Variants in GALNT5 observed in about 807,000 individuals in gnomAD.
GALNT5 encodes polypeptide N-acetylgalactosaminyltransferase 5, also known as UDP-GalNAc:polypeptide N-acetylgalactosaminyltransferase 5.
GALNT5 carries 72 observed loss-of-function variants against 85.4 expected under a neutral mutation model. That is an observed-to-expected ratio of 0.84 (90% confidence interval 0.70 to 1.03). The LOEUF (loss-of-function observed/expected upper bound fraction) is 1.03. Ranked by LOEUF, GALNT5 falls within the 50% of genes least tolerant of loss-of-function variation. The pLI is 0.00. For missense variants in GALNT5, 1,137 were observed against 1,135.5 expected (o/e 1.00, Z -0.02); for synonymous variants, 404 against 397.0 (o/e 1.02, Z -0.21).
At chr2:157,276,768 C>A (rs1203161879) in intron 1 of GALNT5, among the ~76,000 whole-genome samples, 3 of 152,086 alleles carry the variant, frequency 2.0e-5, no homozygotes, top group Non-Finnish European at 2.9e-5. Context: ...TTTCAAAAAA[C>A]TAGCTCCTGG....
rs1574005870 is a variant in GALNT5 at position 157,257,984 on chromosome 2, A to C, written c.-99A>C. ...CAGGGGAGGGGGTCACTTTCTGGCA[A>C]CTCTGCTGCTGCTGCTGCTGCTGCT... On this transcript the variant is annotated 5_prime_UTR_variant, in exon 1 of 10. Coordinates refer to ENST00000259056, the MANE Select transcript of GALNT5 (RefSeq NM_014568.3). The C allele has an allele frequency of 8.5e-7, 1 of 1,173,888 alleles. No individual in the cohort carries two copies. The allele number at this position is 1,173,888 out of a possible 1,614,324, so 72.7% of individuals were successfully genotyped here.
At chr2:157,281,048 G>A (rs1682844345) in intron 1 of GALNT5, among the ~76,000 whole-genome samples, 1 of 151,836 alleles carries the variant, frequency 6.6e-6, no homozygotes, top group African/African-American at 2.4e-5. Flanking sequence ...GCTAGTCTCA[G>A]GTATTTCTTT....
intron 3 of GALNT5, among the ~76,000 whole-genome samples, chr2:157,289,269 G>T (rs187133326): frequency 2.0e-5 from 3 of 152,268 alleles, no homozygotes; most frequent in African/African-American, 7.2e-5. Flanking sequence ...TCAAGTGCTT[G>T]CAGTTAACAT....
intron 4 of GALNT5, 105 bp downstream of exon 4, chr2:157,295,903 G>A: frequency 2.6e-6 from 2 of 778,756 alleles, no homozygotes; most frequent in Non-Finnish European, 4.2e-6. Context: ...CAAAATCCAA[G>A]ACATATACAG....
At chr2:157,307,708 C>T (rs1683482768) in intron 8 of GALNT5, among the ~76,000 whole-genome samples, 1 of 152,158 alleles carries the variant, frequency 6.6e-6, no homozygotes, top group Non-Finnish European at 1.5e-5. Flanking sequence ...AGTTAAACTT[C>T]ACTTACAATA....
intron 1 of GALNT5, among the ~76,000 whole-genome samples, chr2:157,266,005 A>G (rs1476378337): frequency 6.6e-6 from 1 of 152,224 alleles, no homozygotes; most frequent in Non-Finnish European, 1.5e-5. Context: ...CTCAAGGTAG[A>G]TACTATCATC....
chr2:157,300,360 T>G (rs970315039), intron 6 of GALNT5, among the ~76,000 whole-genome samples: 1 of 152,178 alleles, frequency 6.6e-6, no homozygotes, highest in Non-Finnish European at 1.5e-5. Context: ...ACATCTATAC[T>G]TCTTTCCCTG....
intron 6 of GALNT5, 33 bp from the exon 7 acceptor site, chr2:157,300,643 T>C: frequency 4.0e-6 from 6 of 1,506,620 alleles, no homozygotes; most frequent in Non-Finnish European, 5.5e-6. Flanking sequence ...GATAATCATT[T>C]GATAATTGAT....
In GALNT5 at chr2:157,296,634, C is replaced by A. The variant is rs530959721; in HGVS notation, c.1997+121C>A. The A allele has an allele frequency of 5.6e-6, 4 of 712,842 alleles. No individual in the cohort carries two copies. In the Admixed American group the frequency reaches 1.1e-4, roughly 20 times the overall value. The allele number at this position is 712,842 out of a possible 1,614,324, so 44.2% of individuals were successfully genotyped here. On this transcript the variant is annotated intron_variant, in intron 5 of 9. Transcript: ENST00000259056. ...AGAACATTAAGAATCACAGTTCTAG[C>A]CAATAGATTACCAAAGCAAACACAG... is the stretch of plus-strand genomic sequence containing the variant.
intron 3 of GALNT5, among the ~76,000 whole-genome samples, chr2:157,291,475 G>A (rs1025037295): frequency 3.9e-5 from 6 of 152,032 alleles, no homozygotes; most frequent in Non-Finnish European, 8.8e-5. Flanking sequence ...TAAACGGCAC[G>A]CCAAGCCAAC....
In GALNT5 at chr2:157,258,953, C is replaced by G; in HGVS notation, c.871C>G (p.Gln291Glu). 7 of 1,526,636 alleles carry G rather than the reference C, an allele frequency of 4.6e-6. No individual in the cohort carries two copies. The highest frequency in any genetic ancestry group is 6.1e-6 in the Non-Finnish European group (7 of 1,139,986). 94.6% of individuals were successfully genotyped at this position (1,526,636 alleles called of 1,614,324 possible). A position where few individuals can be genotyped will look rare whatever the true frequency, so the allele number is the denominator to read the frequency against. Residue 291 changes from glutamine to glutamate, a missense_variant, in exon 1 of 10, where the codon CAA becomes GAA. By Grantham distance (29) the Gln-to-Glu change is conservative. Transcript: ENST00000259056. The part of the protein sequence containing the change: ...FTVNSNRLRK[Q>E]SINETPLGSL... The stretch of plus-strand genomic sequence containing the variant: ...TGTCAATTCAAATCGCTTAAGGAAG[C>G]AATCTATTAATGAGACACCTTTGGG...
chr2:157,276,655 G>A (rs759845575), intron 1 of GALNT5, among the ~76,000 whole-genome samples: 4 of 152,062 alleles, frequency 2.6e-5, no homozygotes, highest in Non-Finnish European at 5.9e-5. Flanking sequence ...GTATTTCTGT[G>A]GGATCAGTGA....
intron 1 of GALNT5, among the ~76,000 whole-genome samples, chr2:157,278,283 T>C (rs1682782997): frequency 6.6e-6 from 1 of 152,184 alleles, no homozygotes. Context: ...CTTTGGTGAA[T>C]CTGAAAATTA....
intron 6 of GALNT5, 107 bp downstream of exon 6, chr2:157,299,772 A>T: frequency 1.8e-6 from 1 of 540,578 alleles, no homozygotes. Flanking sequence ...CTGAGAGGAA[A>T]TTTCACAGAA....
At position 157,314,547 on chromosome 2, in the gene GALNT5, A is replaced by T. The variant is rs914787160; in HGVS notation, c.*3199A>T. 6.6e-6 allele frequency among the ~76,000 whole-genome samples: 1 copy of T among 152,172 alleles called. No individual in the cohort carries two copies. Among genetic ancestry groups the T allele is most frequent in the Non-Finnish European group, 1.5e-5 (1 of 68,016 alleles). ...AGCTTCGCCACACTAATTTGGAAACATTCTTTTAGATATTAAAACACCTTA... is the reference window on the plus strand; with the variant it reads ...AGCTTCGCCACACTAATTTGGAAACTTTCTTTTAGATATTAAAACACCTTA... On this transcript the variant is annotated 3_prime_UTR_variant, in exon 10 of 10. Coordinates refer to ENST00000259056, the MANE Select transcript of GALNT5 (RefSeq NM_014568.3).
rs1163201437 is a variant in GALNT5, at chr2:157,259,137, G to T, written c.1055G>T (p.Gly352Val). The T allele has an allele frequency of 2.7e-6, 4 of 1,487,040 alleles. No individual in the cohort carries two copies. In the Admixed American group the frequency reaches 9.2e-5, roughly 34 times the overall value. The allele number at this position is 1,487,040 out of a possible 1,614,324, so 92.1% of individuals were successfully genotyped here. Residue 352 changes from glycine (G) to valine (V), a missense_variant, in exon 1 of 10, where the codon GGT (glycine) becomes GTT (valine). Coordinates refer to ENST00000259056, the MANE Select transcript of GALNT5 (RefSeq NM_014568.3). ...KTKTIFPKVL[G>V]KSQSKHISRN... ...AAAACAATATTTCCTAAAGTATTGGGTAAAAGCCAAAGTAAACACATTTCC... is the reference window on the plus strand; with the variant it reads ...AAAACAATATTTCCTAAAGTATTGGTTAAAAGCCAAAGTAAACACATTTCC...
intron 3 of GALNT5, among the ~76,000 whole-genome samples, chr2:157,293,764 AG>A (rs147018499): frequency 0.023 from 3,560 of 152,330 alleles, 160 homozygotes; most frequent in East Asian, 0.18. Flanking sequence ...ATTGAGAGGT[AG>A]TTTGCAGATT....
Position 157,286,142 on chromosome 2 carries a change from G to T in GALNT5, c.1741+8G>T. The T allele has an allele frequency of 6.2e-7, 1 of 1,602,330 alleles. No homozygotes were observed. Among genetic ancestry groups the T allele is most frequent in the Non-Finnish European group, 8.5e-7 (1 of 1,175,534 alleles). Reference sequence around the variant, plus strand: ...GAGCACAGAATGCAACAGGTAAGAAGTTACTCATTTTTTTGTTTGTTACAT... The same window carrying T: ...GAGCACAGAATGCAACAGGTAAGAATTTACTCATTTTTTTGTTTGTTACAT... On this transcript the variant is annotated splice_region_variant and intron_variant, in intron 3 of 9. Coordinates refer to ENST00000259056, the MANE Select transcript of GALNT5 (RefSeq NM_014568.3).
intron 8 of GALNT5, among the ~76,000 whole-genome samples, chr2:157,307,610 G>C (rs1683480204): frequency 6.6e-6 from 1 of 152,134 alleles, no homozygotes; most frequent in Non-Finnish European, 1.5e-5. Flanking sequence ...CTTCTAAGTA[G>C]CTCCCAGCTG....
Sources: gnomAD v4.1 joint callset for allele counts (sites outside exome capture counted in the v4.1 genomes callset) on GRCh38, gnomAD v4.1.1 for gene constraint, MANE v1.5 for transcripts, NCBI Gene and HGNC (gene_info 2026-07-23, HGNC 2026-07-21) for gene names.